The following COL7A1 variants were observed in gnomAD, a reference collection of about 807,000 sequenced individuals.
COL7A1 encodes collagen type VII alpha 1 chain.
A neutral mutation model predicts 456.2 loss-of-function variants in COL7A1; 296 were observed. The ratio of observed to expected loss-of-function variants is 0.65; its 90% CI spans 0.59 to 0.71. The LOEUF is 0.71. Ranked by LOEUF, COL7A1 falls within the 30% of genes least tolerant of loss-of-function variation. The probability of loss-of-function intolerance (pLI) is 0.00; values close to 1 mark genes in which losing one functional copy is unlikely to be tolerated. For synonymous variants in COL7A1, 1,464 were observed against 1,525.9 expected, an observed-to-expected ratio of 0.96 and a Z score of 0.95; for missense variants, 3,441 against 4,017.2, an observed-to-expected ratio of 0.86 and a Z score of 3.88.
In COL7A1 at chr3:48,587,845, ACT is replaced by A. The variant is rs2045385688; in HGVS notation, c.2803_2804del (p.Ser935CysfsTer18). The A allele has an allele frequency of 6.2e-7, 1 of 1,613,072 alleles. No individual in the cohort carries two copies. Among genetic ancestry groups the A allele is most frequent in the South Asian group, 1.1e-5 (1 of 91,058 alleles). On this transcript the variant is annotated frameshift_variant, in exon 22 of 119. Coordinates refer to ENST00000681320, the MANE Select transcript of COL7A1 (RefSeq NM_000094.4). LOFTEE classifies it high-confidence loss of function. The surrounding 1 kb of genome is among the most constrained non-coding windows in gnomAD (Gnocchi z 6.1). ...GCCCTTCTCCAGCTGGCCCTAGGAC[ACT>A]CAGCCTCACGCGGTACTGTGTCGCT... is the stretch of plus-strand genomic sequence containing the variant. ...EPATQYRVRL[S>X]VLGPAGEGPS...
At position 48,573,744 on chromosome 3, in the gene COL7A1, G is replaced by A. The variant is rs1011610587; in HGVS notation, c.6538-19C>T. 8 of 1,613,792 alleles carry A rather than the reference G, an allele frequency of 5.0e-6. No homozygotes were observed. The highest frequency in any genetic ancestry group is 6.8e-6 in the Non-Finnish European group (8 of 1,179,902). On this transcript the variant is annotated intron_variant, in intron 81 of 118. Coordinates refer to ENST00000681320, the MANE Select transcript of COL7A1 (RefSeq NM_000094.4). The surrounding 1 kb of genome is among the most constrained non-coding windows in gnomAD (Gnocchi z 5.5). ...GACCACCCTGTTGTGGCGAAAAAGA[G>A]TCTGATGAGGGGGAGTTAGCCGCAC...
chr3:48,567,503 C>T lies in COL7A1; in HGVS notation c.8046+71G>A. 2 of 1,601,912 alleles carry T rather than the reference C, an allele frequency of 1.2e-6. No individual in the cohort carries two copies. Among genetic ancestry groups the T allele is most frequent in the Non-Finnish European group, 1.7e-6 (2 of 1,169,270 alleles). On this transcript the variant is annotated intron_variant, in intron 109 of 118. Transcript: ENST00000681320. The surrounding 1 kb of genome is among the most constrained non-coding windows in gnomAD (Gnocchi z 4.3). ...ACAGCCTTCCTTGTCCCTACACCCC[C>T]ATGACCCGACCATGAGCTTCCCTGC... is the stretch of plus-strand genomic sequence containing the variant.
In COL7A1 at chr3:48,575,031, G is replaced by C; in HGVS notation, c.6279+33C>G. 3.1e-6 allele frequency: 5 copies of C among 1,603,774 alleles called. No individual in the cohort carries two copies. Among genetic ancestry groups the C allele is most frequent in the South Asian group, 1.1e-5 (1 of 90,864 alleles). On this transcript the variant is annotated intron_variant, in intron 76 of 118. Coordinates refer to ENST00000681320, the MANE Select transcript of COL7A1 (RefSeq NM_000094.4). The surrounding 1 kb of genome is among the most constrained non-coding windows in gnomAD (Gnocchi z 6.3). ...GCTAAGGGTGGCTTCCTGGTCACTA[G>C]TCACAGGACTAAGGCAGGGATGGGG...
In COL7A1 at chr3:48,583,722, TCTC is replaced by T; in HGVS notation, c.4334_4336del (p.Gly1445del). 1 of 1,613,960 alleles carries T rather than the reference TCTC, an allele frequency of 6.2e-7. No individual in the cohort carries two copies. Among genetic ancestry groups the T allele is most frequent in the South Asian group, 1.1e-5 (1 of 91,082 alleles). On this transcript the variant is annotated inframe_deletion, in exon 40 of 119. Coordinates refer to ENST00000681320, the MANE Select transcript of COL7A1 (RefSeq NM_000094.4). The surrounding 1 kb of genome is among the most constrained non-coding windows in gnomAD (Gnocchi z 5.1). ...TCATCAAGTCAGCCTTCCTACTTTTTCTCCTTTCTTTCCAGGGGGGCCAACGGG... is the reference window on the plus strand; with the variant it reads ...TCATCAAGTCAGCCTTCCTACTTTTTCTTTCTTTCCAGGGGGGCCAACGGG...
Position 48,575,728 on chromosome 3 carries a change from G to T in COL7A1, c.5877C>A (p.Ile1959=), listed in dbSNP as rs779298653. The change falls in exon 73 of 119, where the codon ATC becomes ATA. Residue 1959 remains isoleucine (I), a synonymous_variant. Transcript: ENST00000681320. The surrounding 1 kb of genome is among the most constrained non-coding windows in gnomAD (Gnocchi z 6.3). ...CAGAGCTCTCATCCCAGGTCTCCAC[G>T]ATCTCCCGCAGGGCAGATGCCTGAG... ...AGIKASALRE[I]VETWDESSGS... 1 of 1,613,930 alleles carries T rather than the reference G, an allele frequency of 6.2e-7. No homozygotes were observed. The highest frequency in any genetic ancestry group is 8.5e-7 in the Non-Finnish European group (1 of 1,180,032).
rs748032086 is a variant in COL7A1, at chr3:48,565,425, G to A, written c.8512C>T (p.His2838Tyr). 6.2e-7 allele frequency: 1 copy of A among 1,611,112 alleles called. No individual in the cohort carries two copies. The highest frequency in any genetic ancestry group is 1.3e-5 in the African/African-American group (1 of 74,986). Residue 2838 changes from histidine (H) to tyrosine (Y), a missense_variant, in exon 116 of 119, where the codon CAT (histidine) becomes TAT (tyrosine). Coordinates refer to ENST00000681320, the MANE Select transcript of COL7A1 (RefSeq NM_000094.4). The surrounding 1 kb of genome is among the most constrained non-coding windows in gnomAD (Gnocchi z 4.5). ...CTGTCCTCACCTTCCTCCTCTGCAT[G>A]AGAGACGCGGAGCACAGGCACAGCA... Reference protein sequence around the residue: ...LHAVPVLRVSHAEEEERVPPE... With the variant: ...LHAVPVLRVSYAEEEERVPPE...
chr3:48,568,328 G>A lies in COL7A1; in HGVS notation c.7795-158C>T. The stretch of plus-strand genomic sequence containing the variant: ...TGGGGACAAGGGTCACCATAGGCAG[G>A]GGACACCATCATAGGCGGCTACTGT... On this transcript the variant is annotated intron_variant, in intron 105 of 118. Coordinates refer to ENST00000681320, the MANE Select transcript of COL7A1 (RefSeq NM_000094.4). The surrounding 1 kb of genome is among the most constrained non-coding windows in gnomAD (Gnocchi z 5.2). The A allele has an allele frequency of 2.8e-6, 3 of 1,067,130 alleles. No individual in the cohort carries two copies. Among genetic ancestry groups the A allele is most frequent in the Non-Finnish European group, 4.2e-6 (3 of 706,710 alleles). The allele number at this position is 1,067,130 out of a possible 1,614,324, so 66.1% of individuals were successfully genotyped here. A position where few individuals can be genotyped will look rare whatever the true frequency, so the allele number is the denominator to read the frequency against.
chr3:48,590,857 A>G lies in COL7A1; in HGVS notation c.1637-41T>C. 6.3e-7 allele frequency: 1 copy of G among 1,597,554 alleles called. No individual in the cohort carries two copies. Among genetic ancestry groups the G allele is most frequent in the Non-Finnish European group, 8.5e-7 (1 of 1,172,994 alleles). On this transcript the variant is annotated intron_variant, in intron 13 of 118. Transcript: ENST00000681320. The surrounding 1 kb of genome is among the most constrained non-coding windows in gnomAD (Gnocchi z 4.6). ...GGGTAGGTGGGCAGGGGTCAGAAAG[A>G]GACAGGGATGTGGGACGATGGCAGT...
chr3:48,594,991 G>A lies in COL7A1; in HGVS notation c.85+84C>T, dbSNP rs1208142850. The A allele has an allele frequency of 4.5e-6, 5 of 1,118,146 alleles. No individual in the cohort carries two copies. The East Asian group carries it at 1.3e-4, about 29-fold the overall frequency. 69.3% of individuals were successfully genotyped at this position (1,118,146 alleles called of 1,614,324 possible). On this transcript the variant is annotated intron_variant, in intron 2 of 118. Transcript: ENST00000681320. This position sits in a 1 kb window ranked among gnomAD's most constrained non-coding sequence, Gnocchi z 5.5. Reference sequence around the variant, plus strand: ...CGTGGAGTTGGCTGGGTTGTGGGCGGGGGGTGTTGGGGATGAAGGCCGAGT... The same window carrying A: ...CGTGGAGTTGGCTGGGTTGTGGGCGAGGGGTGTTGGGGATGAAGGCCGAGT...
At chr3:48,576,619 A>G (rs1318214092) in intron 68 of COL7A1, 57 bp downstream of exon 68, 11 of 1,591,536 alleles carry the variant, frequency 6.9e-6, no homozygotes, top group Non-Finnish European at 9.4e-6. Context: ...AGGGTTGCCC[A>G]TTGAAACATC....
Position 48,572,048 on chromosome 3 carries a change from G to T in COL7A1, c.7024-3C>A, listed in dbSNP as rs1163344865. 2 of 1,612,938 alleles carry T rather than the reference G, an allele frequency of 1.2e-6. No homozygotes were observed. Among genetic ancestry groups the T allele is most frequent in the South Asian group, 1.1e-5 (1 of 90,838 alleles). On this transcript the variant is annotated splice_region_variant and splice_polypyrimidine_tract_variant and intron_variant, in intron 91 of 118. Transcript: ENST00000681320. This position sits in a 1 kb window ranked among gnomAD's most constrained non-coding sequence, Gnocchi z 4.6. ...TCCCCTGCACGGCCAGCTTCACCCT[G>T]CACAGAATGGCAGGTGAGGGGTGTC...
In COL7A1 at chr3:48,571,199, C is replaced by T; in HGVS notation, c.7105-39G>A. On this transcript the variant is annotated intron_variant, in intron 93 of 118. Coordinates refer to ENST00000681320, the MANE Select transcript of COL7A1 (RefSeq NM_000094.4). The surrounding 1 kb of genome is among the most constrained non-coding windows in gnomAD (Gnocchi z 4.6). The stretch of plus-strand genomic sequence containing the variant: ...AGGCATCGGATCAAGCTCAGGGAGT[C>T]TCACGACCAGGACCCCAGCAGGGAC... 1.9e-6 allele frequency: 3 copies of T among 1,614,122 alleles called. No individual in the cohort carries two copies. The South Asian group carries it at 3.3e-5, about 18-fold the overall frequency.
At position 48,572,417 on chromosome 3, in the gene COL7A1, G is replaced by A; in HGVS notation, c.6941C>T (p.Ala2314Val). The A allele has an allele frequency of 6.2e-7, 1 of 1,614,118 alleles. No individual in the cohort carries two copies. Among genetic ancestry groups the A allele is most frequent in the Non-Finnish European group, 8.5e-7 (1 of 1,179,998 alleles). The change falls in exon 90 of 119, where the codon GCC (alanine) becomes GTC (valine). Residue 2314 changes from alanine (A) to valine (V), a missense_variant. By Grantham distance (64) the Ala-to-Val change is moderately conservative. Coordinates refer to ENST00000681320, the MANE Select transcript of COL7A1 (RefSeq NM_000094.4). This position sits in a 1 kb window ranked among gnomAD's most constrained non-coding sequence, Gnocchi z 4.6. ...GLPGAKGEKG[A>V]PGGLAGDLVG... ...CAGGTCTCCAGCAAGGCCTCCAGGG[G>A]CTCCCTGGTAAGGGGGAGAGGTCAG...
intron 65 of COL7A1, among the ~76,000 whole-genome samples, chr3:48,577,286 A>G (rs2044378694): frequency 6.6e-6 from 1 of 152,152 alleles, no homozygotes; most frequent in South Asian, 2.1e-4. Flanking sequence ...CTCCACATTT[A>G]TGCATCTCTG....
intron 37 of COL7A1, 42 bp from the exon 38 acceptor site, chr3:48,584,103 C>T (rs1432933350): frequency 1.2e-6 from 2 of 1,614,044 alleles, no homozygotes; most frequent in Admixed American, 3.3e-5. Flanking sequence ...GGCCACACCT[C>T]ACTCCCAAAG....
rs2045911530 is a variant in COL7A1 at position 48,594,233 on chromosome 3, G to A, written c.266+135C>T. On this transcript the variant is annotated intron_variant, in intron 3 of 118. Coordinates refer to ENST00000681320, the MANE Select transcript of COL7A1 (RefSeq NM_000094.4). This position sits in a 1 kb window ranked among gnomAD's most constrained non-coding sequence, Gnocchi z 5.5. ...ACCTCTGTCTCCAAAGGAGGTCCTGGCTAGGGGGTCTCTAGGTTCCCCAAA... is the reference window on the plus strand; with the variant it reads ...ACCTCTGTCTCCAAAGGAGGTCCTGACTAGGGGGTCTCTAGGTTCCCCAAA... 1.9e-5 allele frequency: 19 copies of A among 1,018,938 alleles called. No individual in the cohort carries two copies. The South Asian group carries it at 2.6e-4, about 14-fold the overall frequency. 63.1% of individuals were successfully genotyped at this position (1,018,938 alleles called of 1,614,324 possible). A position where few individuals can be genotyped will look rare whatever the true frequency, so the allele number is the denominator to read the frequency against.
Position 48,571,906 on chromosome 3 carries a change from GGGCTCAGA to G in COL7A1, c.7068+87_7068+94del, listed in dbSNP as rs2043944911. 2 of 1,463,844 alleles carry G rather than the reference GGGCTCAGA, an allele frequency of 1.4e-6. No homozygotes were observed. Among genetic ancestry groups the G allele is most frequent in the East Asian group, 4.8e-5 (2 of 41,402 alleles). 90.7% of individuals were successfully genotyped at this position (1,463,844 alleles called of 1,614,324 possible). A position where few individuals can be genotyped will look rare whatever the true frequency, so the allele number is the denominator to read the frequency against. ...TGTTGGGACATGCAGCCCGACTCAG[GGGCTCAGA>G]CATGTGCCCCGGCCCAAGAGTGGCC... On this transcript the variant is annotated intron_variant, in intron 92 of 118. Coordinates refer to ENST00000681320, the MANE Select transcript of COL7A1 (RefSeq NM_000094.4). This position sits in a 1 kb window ranked among gnomAD's most constrained non-coding sequence, Gnocchi z 4.6.
At position 48,590,160 on chromosome 3, in the gene COL7A1, G is replaced by C; in HGVS notation, c.2050+53C>G. 6.3e-7 allele frequency: 1 copy of C among 1,595,968 alleles called. No homozygotes were observed. Among genetic ancestry groups the C allele is most frequent in the South Asian group, 1.1e-5 (1 of 89,424 alleles). On this transcript the variant is annotated intron_variant, in intron 16 of 118. Transcript: ENST00000681320. This position sits in a 1 kb window ranked among gnomAD's most constrained non-coding sequence, Gnocchi z 4.6. ...AAGGGTCTGCAAGGGAAGGCATGGG[G>C]GTCTGAAAGAGCAATGGAGGCAGAG...
chr3:48,593,507 C>T lies in COL7A1; in HGVS notation c.426+30G>A. 1 of 1,614,082 alleles carries T rather than the reference C, an allele frequency of 6.2e-7. No individual in the cohort carries two copies. Among genetic ancestry groups the T allele is most frequent in the South Asian group, 1.1e-5 (1 of 91,074 alleles). ...CCCTGGACACTTCATTTGGGGTCATCTTGGGAGGCATGGTAGGGGTAGGGA... is the reference window on the plus strand; with the variant it reads ...CCCTGGACACTTCATTTGGGGTCATTTTGGGAGGCATGGTAGGGGTAGGGA... On this transcript the variant is annotated intron_variant, in intron 4 of 118. Transcript: ENST00000681320. This position sits in a 1 kb window ranked among gnomAD's most constrained non-coding sequence, Gnocchi z 4.4.
Sources: gnomAD v4.1 joint callset for allele counts (sites outside exome capture counted in the v4.1 genomes callset) on GRCh38, gnomAD v4.1.1 for gene constraint, Gnocchi (gnomAD v3.1) non-coding constraint, MANE v1.5 for transcripts, NCBI Gene and HGNC (gene_info 2026-07-23, HGNC 2026-07-21) for gene names.